Variants in PLA2G12B observed in about 807,000 individuals in gnomAD.
The protein encoded by PLA2G12B is group XIIB secretory phospholipase A2-like protein.
PLA2G12B carries 19 observed loss-of-function variants against 22.3 expected under a neutral mutation model. The observed-to-expected ratio is 0.85, with a 90% CI of 0.60 to 1.25. The LOEUF is 1.25. Ranked by LOEUF, PLA2G12B falls within the 50% of genes most tolerant of loss-of-function variation. The pLI is 0.00. For missense variants in PLA2G12B, 191 were observed against 246.6 expected, an observed-to-expected ratio of 0.77 and a Z score of 1.51; for synonymous variants, 81 against 94.9, an observed-to-expected ratio of 0.85 and a Z score of 0.85.
At chr10:72,941,122 C>T in intron 3 of PLA2G12B, 47 bp downstream of exon 3, 1 of 1,555,596 alleles carries the variant, frequency 6.4e-7, no homozygotes, top group Non-Finnish European at 8.8e-7. Context: ...GGTGTGAAAA[C>T]AGGAACAAAC....
chr10:72,935,681 C>T lies in PLA2G12B; in HGVS notation c.524G>A (p.Arg175His), dbSNP rs752646456. The change falls in exon 4 of 4, where the codon CGC becomes CAC. Residue 175 changes from arginine to histidine, a missense_variant. Physicochemically the swap from Arg to His is conservative, Grantham distance 29. Coordinates refer to ENST00000373032, the MANE Select transcript of PLA2G12B (RefSeq NM_032562.5). ...VFNTVWTLGC[R>H]PFMNSQRAAC... ...TGCCCGCTGACTATTCATAAAGGGGCGGCAGCCCAAGGTCCACACGGTGTT... is the reference window on the plus strand; with the variant it reads ...TGCCCGCTGACTATTCATAAAGGGGTGGCAGCCCAAGGTCCACACGGTGTT... 21 of 1,614,118 alleles carry T rather than the reference C, an allele frequency of 1.3e-5. No individual in the cohort carries two copies. Among genetic ancestry groups the T allele is most frequent in the Non-Finnish European group, 1.6e-5 (19 of 1,180,010 alleles).
At position 72,935,624 on chromosome 10, in the gene PLA2G12B, T is replaced by G; in HGVS notation, c.581A>C (p.Glu194Ala). 1.2e-6 allele frequency: 2 copies of G among 1,614,012 alleles called. No individual in the cohort carries two copies. Among genetic ancestry groups the G allele is most frequent in the Non-Finnish European group, 1.7e-6 (2 of 1,179,958 alleles). Residue 194 changes from glutamate to alanine, a missense_variant, in exon 4 of 4, where the codon GAG becomes GCG. By Grantham distance (107) the Glu-to-Ala change is moderately radical (BLOSUM62 -1). Coordinates refer to ENST00000373032, the MANE Select transcript of PLA2G12B (RefSeq NM_032562.5). ...ACICAEEEKE[E>A]L is the part of the protein sequence containing the mutation. ...GAAGGAATCACTTCTTCCTCATAACTCTTCCTTCTCCTCCTCTGCACAGAT... is the reference window on the plus strand; with the variant it reads ...GAAGGAATCACTTCTTCCTCATAACGCTTCCTTCTCCTCCTCTGCACAGAT...
At chr10:72,954,431 T>A (rs1564606389) in intron 1 of PLA2G12B, 44 bp downstream of exon 1, 2 of 1,612,836 alleles carry the variant, frequency 1.2e-6, no homozygotes, top group Non-Finnish European at 1.7e-6. Context: ...TGTCCATGGG[T>A]CCACCAGCAA....
chr10:72,942,105 G>T (rs1351983027), intron 2 of PLA2G12B, among the ~76,000 whole-genome samples: 1 of 149,442 alleles, frequency 6.7e-6, no homozygotes, highest in Non-Finnish European at 1.5e-5. Flanking sequence ...CCAACATGGT[G>T]AAACCCCATT....
At chr10:72,954,385 G>A (rs750224688) in intron 1 of PLA2G12B, 90 bp downstream of exon 1, 4 of 1,522,156 alleles carry the variant, frequency 2.6e-6, no homozygotes, top group Admixed American at 1.8e-5. Flanking sequence ...TGGATAACAG[G>A]AAAAAGTGCA....
chr10:72,949,780 C>T (rs1162077495), intron 1 of PLA2G12B, among the ~76,000 whole-genome samples: 2 of 152,118 alleles, frequency 1.3e-5, no homozygotes, highest in African/African-American at 4.8e-5. Context: ...AGTTCGAGAC[C>T]AGCCTGGCCA....
At chr10:72,941,379 C>T (rs139938947) in intron 2 of PLA2G12B, 45 bp from the exon 3 acceptor site, 8 of 1,577,684 alleles carry the variant, frequency 5.1e-6, no homozygotes, top group African/African-American at 4.0e-5. Context: ...AGAAATGCCA[C>T]GTTTAGACTA....
chr10:72,946,338 A>AT (rs925739846), intron 1 of PLA2G12B, among the ~76,000 whole-genome samples: 3 of 152,114 alleles, frequency 2.0e-5, no homozygotes, highest in African/African-American at 4.8e-5. Flanking sequence ...GACATACCAC[A>AT]TTTTTTTACC....
chr10:72,947,531 C>T (rs908491901), intron 1 of PLA2G12B, among the ~76,000 whole-genome samples: 2 of 152,188 alleles, frequency 1.3e-5, no homozygotes, highest in Non-Finnish European at 2.9e-5. Flanking sequence ...TGAGCCACAG[C>T]ACCCAGCCTT....
At chr10:72,952,557 A>C (rs1846549186) in intron 1 of PLA2G12B, among the ~76,000 whole-genome samples, 1 of 152,242 alleles carries the variant, frequency 6.6e-6, no homozygotes, top group South Asian at 2.1e-4. Context: ...GATGTGTCAC[A>C]AAGCAAACTA....
intron 1 of PLA2G12B, among the ~76,000 whole-genome samples, chr10:72,952,296 C>T (rs1024796470): frequency 6.6e-6 from 1 of 152,190 alleles, no homozygotes; most frequent in Admixed American, 6.5e-5. Context: ...AGTTGGAGAC[C>T]AGCCTGGGCA....
Position 72,954,748 on chromosome 10 carries a change from G to A in PLA2G12B, c.-63C>T, listed in dbSNP as rs1157110161. Reference sequence around the variant, plus strand: ...CCCAGCCAGTGTCCCAGAATTCCAGGGACAAACCCCCTACCCAGATGTCAG... The same window carrying A: ...CCCAGCCAGTGTCCCAGAATTCCAGAGACAAACCCCCTACCCAGATGTCAG... On this transcript the variant is annotated 5_prime_UTR_variant, in exon 1 of 4. Transcript: ENST00000373032. 1.0e-5 allele frequency: 16 copies of A among 1,557,812 alleles called. No homozygotes were observed. Among genetic ancestry groups the A allele is most frequent in the South Asian group, 4.5e-5 (4 of 89,260 alleles).
intron 2 of PLA2G12B, among the ~76,000 whole-genome samples, chr10:72,942,144 C>T (rs1390778603): frequency 4.3e-5 from 5 of 114,958 alleles, no homozygotes; most frequent in East Asian, 3.2e-4. Context: ...ATTAGCAGGG[C>T]GTCGGGTGTG....
chr10:72,945,937 C>T (rs975652917), intron 1 of PLA2G12B, among the ~76,000 whole-genome samples: 1 of 152,268 alleles, frequency 6.6e-6, no homozygotes, highest in East Asian at 1.9e-4. Context: ...CGTGAGCCAC[C>T]TTTCCTGGCC....
intron 1 of PLA2G12B, among the ~76,000 whole-genome samples, chr10:72,949,787 G>T (rs1042621338): frequency 3.3e-5 from 5 of 152,116 alleles, no homozygotes. Flanking sequence ...GACCAGCCTG[G>T]CCAACATGGT....
At chr10:72,944,104 C>T (rs1262074788) in intron 1 of PLA2G12B, among the ~76,000 whole-genome samples, 1 of 149,672 alleles carries the variant, frequency 6.7e-6, no homozygotes, top group Non-Finnish European at 1.5e-5. Flanking sequence ...TTTCTTTCTC[C>T]TTCCTTCCTT....
intron 1 of PLA2G12B, among the ~76,000 whole-genome samples, chr10:72,949,498 T>C (rs1340636618): frequency 6.6e-6 from 1 of 152,242 alleles, no homozygotes; most frequent in Non-Finnish European, 1.5e-5. Flanking sequence ...CTTTTTGTAG[T>C]ATACATATTA....
chr10:72,954,500 T>C lies in PLA2G12B; in HGVS notation c.186A>G (p.Gly62=). ...CATATCGGCACCTGTACTGACAGAC[T>C]CCATTCTTCCCTCCCAGCAGCTCCA... ...SFLELLGGKN[G]VCQYRCRYGK... The change falls in exon 1 of 4, where the codon GGA becomes GGG. Residue 62 remains glycine, a synonymous_variant. Coordinates refer to ENST00000373032, the MANE Select transcript of PLA2G12B (RefSeq NM_032562.5). 6.2e-7 allele frequency: 1 copy of C among 1,614,178 alleles called. No individual in the cohort carries two copies.
At chr10:72,944,091 T>C (rs12257692) in intron 1 of PLA2G12B, among the ~76,000 whole-genome samples, 19,999 of 151,710 alleles carry the variant, frequency 0.13, 2,458 homozygotes, top group African/African-American at 0.32. Context: ...CTTTTCTTCT[T>C]TCTTTCTTTC....
Sources: allele counts gnomAD v4.1 joint callset (sites outside exome capture counted in the v4.1 genomes callset), GRCh38; gene constraint gnomAD v4.1.1; transcripts MANE v1.5; gene names NCBI Gene and HGNC (gene_info 2026-07-23, HGNC 2026-07-21).